Variants in AXDND1 observed in about 807,000 individuals in gnomAD.
AXDND1 encodes axonemal dynein light chain domain containing 1, also known as axonemal dynein light chain domain-containing protein 1.
In AXDND1, 110 loss-of-function variants were observed where a neutral mutation model predicts 137.5. The observed-to-expected ratio is 0.80, with a 90% CI of 0.69 to 0.94. The LOEUF is 0.94. Among genes scored for constraint, AXDND1 ranks in the 40% least tolerant of loss-of-function variants. AXDND1 has a pLI of 0.00. For synonymous variants in AXDND1, 414 were observed against 399.7 expected (o/e 1.04, Z -0.43); for missense variants, 1,191 against 1,169.8 (o/e 1.02, Z -0.26).
At chr1:179,385,211 C>A (rs1348691651) in intron 8 of AXDND1, 27 bp from the exon 9 acceptor site, 1 of 1,593,280 alleles carries the variant, frequency 6.3e-7, no homozygotes, top group Non-Finnish European at 8.6e-7. Context: ...GTAATAAGTA[C>A]TGATTATGTT....
intron 20 of AXDND1, among the ~76,000 whole-genome samples, chr1:179,496,743 G>A (rs562666126): frequency 6.6e-6 from 1 of 151,670 alleles, no homozygotes; most frequent in South Asian, 2.1e-4. Context: ...ACTTATTCTG[G>A]GTTTAATTTG....
rs1571665758 is a variant in AXDND1, at chr1:179,402,702, C to A, written c.1109+7500C>A. ...AAACACAAACAAAAATGTCCCAGGT[C>A]TCTTAGAACTACACCTTCCCTTCCT... is the stretch of plus-strand genomic sequence containing the variant. On this transcript the variant is annotated intron_variant, in intron 11 of 25. Coordinates refer to ENST00000367618, the MANE Select transcript of AXDND1 (RefSeq NM_144696.6). 2.0e-5 allele frequency among the ~76,000 whole-genome samples: 3 copies of A among 152,304 alleles called. No homozygotes were observed. In the East Asian group the frequency reaches 5.8e-4, roughly 29 times the overall value.
At chr1:179,465,930 G>A (rs896038760) in intron 16 of AXDND1, among the ~76,000 whole-genome samples, 1 of 152,216 alleles carries the variant, frequency 6.6e-6, no homozygotes, top group Non-Finnish European at 1.5e-5. Flanking sequence ...CCAGGCGCGG[G>A]ATATAATCTC....
intron 23 of AXDND1, 26 bp from the exon 24 acceptor site, chr1:179,533,769 T>TTCATATC: frequency 6.5e-7 from 1 of 1,545,562 alleles, no homozygotes; most frequent in South Asian, 1.1e-5. Context: ...TGTCAGTTCA[T>TTCATATC]TCATATCTCA....
intron 6 of AXDND1, among the ~76,000 whole-genome samples, chr1:179,382,306 C>G (rs546066547): frequency 1.3e-5 from 2 of 152,160 alleles, no homozygotes; most frequent in East Asian, 3.9e-4. Context: ...GTTTCGAACT[C>G]CTGACCTCAA....
chr1:179,551,507 C>T, intron 25 of AXDND1: 3 of 1,602,308 alleles, frequency 1.9e-6, no homozygotes, highest in Non-Finnish European at 2.6e-6. Context: ...GAAGGCTTCA[C>T]CACTATGCAG....
chr1:179,369,964 C>G lies in AXDND1; in HGVS notation c.271-11C>G, dbSNP rs1191772783. The G allele has an allele frequency of 6.2e-7, 1 of 1,604,688 alleles. No individual in the cohort carries two copies. The highest frequency in any genetic ancestry group is 8.5e-7 in the Non-Finnish European group (1 of 1,172,152). The stretch of plus-strand genomic sequence containing the variant: ...TCTGCTGGATATTCATGTGTATTTG[C>G]TTTTTCCCAGGGCACTCTTCCACGC... On this transcript the variant is annotated splice_polypyrimidine_tract_variant and intron_variant, in intron 3 of 25. Transcript: ENST00000367618.
rs1669740577 is a variant in AXDND1, at chr1:179,518,377, T to A, written c.2497-6957T>A. Among the ~76,000 whole-genome samples the A allele has an allele frequency of 1.5e-5, 2 of 134,516 alleles. 1 individual carries two copies. Among genetic ancestry groups the A allele is most frequent in the Non-Finnish European group, 3.4e-5 (2 of 59,590 alleles). 88.2% of individuals were successfully genotyped at this position (134,516 alleles called of 152,430 possible). On this transcript the variant is annotated intron_variant, in intron 21 of 25. Coordinates refer to ENST00000367618, the MANE Select transcript of AXDND1 (RefSeq NM_144696.6). ...ATTATTGAGGCTTTATGATACATTT[T>A]CCTTTTTCTTTTTTTTTTTTTTGAC...
rs567589608 is a variant in AXDND1 at position 179,497,751 on chromosome 1, C to T, written c.2388+4800C>T. ...CTTTGCTGATGATAGGATTCTATACCTAGAAAATCTTAAAGACTCTGCCAA... is the reference window on the plus strand; with the variant it reads ...CTTTGCTGATGATAGGATTCTATACTTAGAAAATCTTAAAGACTCTGCCAA... On this transcript the variant is annotated intron_variant, in intron 20 of 25. Coordinates refer to ENST00000367618, the MANE Select transcript of AXDND1 (RefSeq NM_144696.6). Among the ~76,000 whole-genome samples, 4 of 152,140 alleles carry T rather than the reference C, an allele frequency of 2.6e-5. No homozygotes were observed. In the South Asian group the frequency reaches 8.3e-4, roughly 32 times the overall value.
At chr1:179,394,171 C>A in intron 10 of AXDND1, 128 bp downstream of exon 10, 4 of 972,328 alleles carry the variant, frequency 4.1e-6, no homozygotes, top group Admixed American at 3.0e-5. Context: ...TCATGTTTAG[C>A]AAGAGAACAA....
chr1:179,442,880 A>G (rs1298245602), intron 15 of AXDND1, among the ~76,000 whole-genome samples: 1 of 152,168 alleles, frequency 6.6e-6, no homozygotes, highest in African/African-American at 2.4e-5. Flanking sequence ...AAGACAAGAG[A>G]CAAAAGAGTA....
chr1:179,427,291 G>A (rs1008643643), intron 12 of AXDND1, among the ~76,000 whole-genome samples: 1 of 152,186 alleles, frequency 6.6e-6, no homozygotes, highest in Non-Finnish European at 1.5e-5. Context: ...TTAGTTGAAT[G>A]TTAGGGTTGG....
intron 9 of AXDND1, among the ~76,000 whole-genome samples, chr1:179,388,549 A>G (rs1235410338): frequency 6.6e-6 from 1 of 152,042 alleles, no homozygotes; most frequent in Non-Finnish European, 1.5e-5. Context: ...CTATTATGCT[A>G]TAACCCATCT....
chr1:179,477,456 G>A (rs947022746), intron 17 of AXDND1, among the ~76,000 whole-genome samples: 2 of 152,060 alleles, frequency 1.3e-5, no homozygotes, highest in African/African-American at 4.8e-5. Context: ...ATCTCATATG[G>A]CAGCAGACAA....
intron 6 of AXDND1, among the ~76,000 whole-genome samples, chr1:179,382,125 G>A (rs771142913): frequency 7.0e-6 from 1 of 142,908 alleles, no homozygotes; most frequent in Non-Finnish European, 1.5e-5. Context: ...TCTGTCATGG[G>A]TGGAGTGCAG....
intron 25 of AXDND1, among the ~76,000 whole-genome samples, chr1:179,548,422 A>G (rs115613178): frequency 0.011 from 1,605 of 152,252 alleles, 33 homozygotes; most frequent in African/African-American, 0.036. Context: ...GTAGAGCCTG[A>G]ATCAAATCTA....
At chr1:179,447,631 A>T (rs1450249752) in intron 16 of AXDND1, 1 of 1,278,438 alleles carries the variant, frequency 7.8e-7, no homozygotes, top group East Asian at 2.3e-5. Context: ...TGAAGCGGGG[A>T]TGACAACTCG....
intron 25 of AXDND1, among the ~76,000 whole-genome samples, chr1:179,540,375 T>G (rs773277750): frequency 2.0e-5 from 3 of 152,190 alleles, no homozygotes; most frequent in Non-Finnish European, 4.4e-5. Context: ...TGGATGGGGT[T>G]TTGGTGTGGA....
chr1:179,402,884 A>G (rs1010707233), intron 11 of AXDND1, among the ~76,000 whole-genome samples: 1 of 152,220 alleles, frequency 6.6e-6, no homozygotes, highest in Non-Finnish European at 1.5e-5. Context: ...TGATCTTCAT[A>G]TTGCTAAATC....
Sources: allele counts gnomAD v4.1 joint callset (sites outside exome capture counted in the v4.1 genomes callset), GRCh38; gene constraint gnomAD v4.1.1; transcripts MANE v1.5; gene names NCBI Gene and HGNC (gene_info 2026-07-23, HGNC 2026-07-21).